The following PRKN variants were observed in gnomAD, a reference collection of about 807,000 sequenced individuals.
PRKN encodes the protein parkin RBR E3 ubiquitin protein ligase.
Under a neutral mutation model 59.5 loss-of-function variants are expected in PRKN, and 56 were observed. The ratio of observed to expected loss-of-function variants is 0.94; its 90% confidence interval spans 0.76 to 1.18. The LOEUF is 1.18. Among genes scored for constraint, PRKN ranks in the 50% most tolerant of loss-of-function variants. The pLI is 0.00. For missense variants in PRKN, 657 were observed against 596.4 expected (o/e 1.10, Z -1.06); for synonymous variants, 250 against 222.1 (o/e 1.13, Z -1.12).
At chr6:162,235,954 A>AAAGG (rs1346798516) in intron 3 of PRKN, among the ~76,000 whole-genome samples, 14 of 77,092 alleles carry the variant, frequency 1.8e-4, no homozygotes, top group African/African-American at 3.6e-4. Context: ...AGGAAGGAAG[A>AAAGG]AAGGAAGAAA....
chr6:162,528,315 T>A (rs1233475135), intron 1 of PRKN, among the ~76,000 whole-genome samples: 1 of 132,250 alleles, frequency 7.6e-6, no homozygotes, highest in Non-Finnish European at 1.7e-5. Context: ...TGAAACTCCG[T>A]CTCAAAAGAA....
Position 161,402,171 on chromosome 6 carries a change from G to T in PRKN, c.1084-15294C>A, listed in dbSNP as rs1438486412. The stretch of plus-strand genomic sequence containing the variant: ...TGCCTGTTGGCCAAAGATAACTCAT[G>T]CCTCGGGGGTCGTGAGCAGGAGGTG... On this transcript the variant is annotated intron_variant, in intron 9 of 11. Coordinates refer to ENST00000366898, the MANE Select transcript of PRKN (RefSeq NM_004562.3). This position sits in a 1 kb window ranked among gnomAD's most constrained non-coding sequence, Gnocchi z 4.5. Among the ~76,000 whole-genome samples, 2 of 152,234 alleles carry T rather than the reference G, an allele frequency of 1.3e-5. No individual in the cohort carries two copies. Among genetic ancestry groups the T allele is most frequent in the East Asian group, 3.9e-4 (2 of 5,170 alleles).
chr6:162,247,784 C>A (rs915800769), intron 3 of PRKN, among the ~76,000 whole-genome samples: 2 of 152,104 alleles, frequency 1.3e-5, no homozygotes, highest in African/African-American at 4.8e-5. Flanking sequence ...TTATGAAAGG[C>A]AAAGTTTCCT....
chr6:162,151,750 A>G (rs1480651254), intron 4 of PRKN, among the ~76,000 whole-genome samples: 2 of 152,232 alleles, frequency 1.3e-5, no homozygotes, highest in Admixed American at 1.3e-4. Flanking sequence ...GAGACAGGGT[A>G]TGTGAAAAAG....
intron 4 of PRKN, among the ~76,000 whole-genome samples, chr6:162,104,284 AAC>A (rs1780096561): frequency 6.6e-6 from 1 of 152,202 alleles, no homozygotes; most frequent in African/African-American, 2.4e-5. Context: ...CTGACGCCTG[AAC>A]ACACACATTC....
intron 7 of PRKN, among the ~76,000 whole-genome samples, chr6:161,718,388 G>A (rs1787078507): frequency 6.6e-6 from 1 of 152,162 alleles, no homozygotes; most frequent in African/African-American, 2.4e-5. Context: ...CTGATCCAGT[G>A]TGGAGGACAT....
Position 161,417,821 on chromosome 6 carries a change from T to C in PRKN, c.1084-30944A>G, listed in dbSNP as rs1310998076. On this transcript the variant is annotated intron_variant, in intron 9 of 11. Coordinates refer to ENST00000366898, the MANE Select transcript of PRKN (RefSeq NM_004562.3). This position sits in a 1 kb window ranked among gnomAD's most constrained non-coding sequence, Gnocchi z 5.4. The stretch of plus-strand genomic sequence containing the variant: ...GCTTTTGTAAATCAACAGTGTCTAA[T>C]AATCCCCCAAGGACAGGGCCCTAGG... Among the ~76,000 whole-genome samples, 1 of 152,212 alleles carries C rather than the reference T, an allele frequency of 6.6e-6. No homozygotes were observed. The highest frequency in any genetic ancestry group is 2.4e-5 in the African/African-American group (1 of 41,434).
At chr6:162,092,872 G>A (rs1204010161) in intron 4 of PRKN, among the ~76,000 whole-genome samples, 1 of 152,148 alleles carries the variant, frequency 6.6e-6, no homozygotes, top group Non-Finnish European at 1.5e-5. Context: ...CCTTAAGATG[G>A]ATGAAAAGTA....
intron 1 of PRKN, among the ~76,000 whole-genome samples, chr6:162,562,209 A>C (rs1779874144): frequency 6.6e-6 from 1 of 152,178 alleles, no homozygotes; most frequent in African/African-American, 2.4e-5. Context: ...AAGGGAACCC[A>C]CTGCCTTGAA....
chr6:162,033,351 T>C (rs775247102), intron 5 of PRKN, among the ~76,000 whole-genome samples: 1 of 152,242 alleles, frequency 6.6e-6, no homozygotes, highest in Non-Finnish European at 1.5e-5. Context: ...TTTTATTTGC[T>C]AAATGTGTTA....
At chr6:162,242,428 C>A (rs994536622) in intron 3 of PRKN, among the ~76,000 whole-genome samples, 1 of 152,034 alleles carries the variant, frequency 6.6e-6, no homozygotes, top group South Asian at 2.1e-4. Context: ...GTAGTCAGAG[C>A]GACATATGCT....
chr6:161,449,078 G>C (rs115566529), intron 9 of PRKN, among the ~76,000 whole-genome samples: 2,639 of 152,288 alleles, frequency 0.017, 71 homozygotes, highest in African/African-American at 0.061. Context: ...GGGATAAATG[G>C]TTTGTGGTTA....
intron 1 of PRKN, among the ~76,000 whole-genome samples, chr6:162,531,422 C>T (rs550288699): frequency 6.6e-6 from 1 of 152,242 alleles, no homozygotes; most frequent in South Asian, 2.1e-4. Flanking sequence ...TTACTCAAAT[C>T]AGTCTCCCCA....
chr6:161,840,775 G>A (rs1381390577), intron 6 of PRKN, among the ~76,000 whole-genome samples: 1 of 152,148 alleles, frequency 6.6e-6, no homozygotes, highest in African/African-American at 2.4e-5. Flanking sequence ...TCCCTGCAAG[G>A]GAAATGGTCT....
intron 4 of PRKN, among the ~76,000 whole-genome samples, chr6:162,105,782 G>C (rs1780169046): frequency 6.6e-6 from 1 of 152,112 alleles, no homozygotes; most frequent in Admixed American, 6.6e-5. Flanking sequence ...GAGAACAATA[G>C]AGCAGTAAAA....
intron 7 of PRKN, among the ~76,000 whole-genome samples, chr6:161,650,629 T>C (rs1471990648): frequency 4.6e-5 from 7 of 152,190 alleles, no homozygotes; most frequent in African/African-American, 1.7e-4. Flanking sequence ...TCACTTTACT[T>C]AACCTCTTTT....
chr6:162,342,309 A>C (rs1583412403), intron 2 of PRKN, among the ~76,000 whole-genome samples: 1 of 152,198 alleles, frequency 6.6e-6, no homozygotes, highest in South Asian at 2.1e-4. Flanking sequence ...TTTTTCCACG[A>C]GTAAGTGAGA....
At chr6:161,909,155 A>G (rs1778260304) in intron 6 of PRKN, among the ~76,000 whole-genome samples, 1 of 152,298 alleles carries the variant, frequency 6.6e-6, no homozygotes, top group South Asian at 2.1e-4. Context: ...TCATAGAGAA[A>G]GCTTAAAAGA....
intron 6 of PRKN, among the ~76,000 whole-genome samples, chr6:161,883,039 AAACC>A (rs1456664434): frequency 6.6e-6 from 1 of 151,356 alleles, no homozygotes; most frequent in East Asian, 1.9e-4. Context: ...CAACAAAAAA[AAACC>A]AAAAAAACTC....
Sources: gnomAD v4.1 joint callset for allele counts (sites outside exome capture counted in the v4.1 genomes callset) on GRCh38, gnomAD v4.1.1 for gene constraint, Gnocchi (gnomAD v3.1) non-coding constraint, MANE v1.5 for transcripts, NCBI Gene and HGNC (gene_info 2026-07-23, HGNC 2026-07-21) for gene names.